The following SPATA7 variants were observed in gnomAD, a reference collection of about 807,000 sequenced individuals.
The protein encoded by SPATA7 is spermatogenesis associated 7.
In SPATA7, 43 loss-of-function variants were observed where a neutral mutation model predicts 51.8. That is an observed-to-expected ratio of 0.83 (90% CI 0.65 to 1.07). The LOEUF (loss-of-function observed/expected upper bound fraction) is 1.07. SPATA7 is among the 50% of genes least tolerant of loss of function. The probability of loss-of-function intolerance (pLI) is 0.00; values close to 1 mark genes in which losing one functional copy is unlikely to be tolerated. For missense variants in SPATA7, 683 were observed against 701.3 expected, an observed-to-expected ratio of 0.97 and a Z score of 0.30; for synonymous variants, 230 against 252.8, an observed-to-expected ratio of 0.91 and a Z score of 0.86.
At position 88,445,112 on chromosome 14, in the gene SPATA7, C is replaced by T. The variant is rs2077202673; in HGVS notation, c.177+7209C>T. Among the ~76,000 whole-genome samples the T allele has an allele frequency of 2.6e-5, 4 of 152,084 alleles. No homozygotes were observed. In the South Asian group the frequency reaches 8.3e-4, roughly 32 times the overall value. Reference sequence around the variant, plus strand: ...TTTCACAATATTGATTCTTCCTACCCATGAGCATGGAATGTTCTTCCACTT... The same window carrying T: ...TTTCACAATATTGATTCTTCCTACCTATGAGCATGGAATGTTCTTCCACTT... On this transcript the variant is annotated intron_variant, in intron 3 of 3. Coordinates refer to the SPATA7 transcript ENST00000554802.
chr14:88,448,447 G>A lies in SPATA7; in HGVS notation c.178-6613G>A, dbSNP rs374751913. Among the ~76,000 whole-genome samples, 9 of 152,066 alleles carry A rather than the reference G, an allele frequency of 5.9e-5. No individual in the cohort carries two copies. In the South Asian group the frequency reaches 8.3e-4, roughly 14 times the overall value. On this transcript the variant is annotated intron_variant, in intron 3 of 3. Coordinates refer to the SPATA7 transcript ENST00000554802. ...TGGTTTGAATGTCCTCCCGTAGCTCGGAGTAATTTGATCGTCTGAAGCCTT... is the reference window on the plus strand; with the variant it reads ...TGGTTTGAATGTCCTCCCGTAGCTCAGAGTAATTTGATCGTCTGAAGCCTT...
Position 88,385,700 on chromosome 14 carries a change from C to A in SPATA7, c.-119C>A. The stretch of plus-strand genomic sequence containing the variant: ...CAACGGCCTGGCAACGGTTTCCCTG[C>A]TGCTGCAGCCCCCGTCGGCTCCTCT... On this transcript the variant is annotated 5_prime_UTR_variant, in exon 1 of 12. The change creates a new upstream start codon in the 5' untranslated region. Transcript: ENST00000393545. 1 of 995,810 alleles carries A rather than the reference C, an allele frequency of 1.0e-6. No individual in the cohort carries two copies. 61.7% of individuals were successfully genotyped at this position (995,810 alleles called of 1,614,324 possible).
At chr14:88,385,930 CCCCTTGG>C (rs769358445) in intron 1 of SPATA7, 93 bp downstream of exon 1, 7 of 1,395,866 alleles carry the variant, frequency 5.0e-6, no homozygotes, top group Non-Finnish European at 6.5e-6. Flanking sequence ...TGCAAGGCCG[CCCCTTGG>C]GGCGCTTCCT....
chr14:88,390,255 A>G (rs951387206), intron 1 of SPATA7, among the ~76,000 whole-genome samples: 1 of 144,766 alleles, frequency 6.9e-6, no homozygotes, highest in African/African-American at 2.5e-5. Flanking sequence ...TAAAATGGGA[A>G]TTTTTTTTTT....
At chr14:88,467,220 T>C (rs1187229144) in intron 4 of SPATA7, 6 of 152,012 alleles carry the variant, frequency 3.9e-5, no homozygotes, top group Non-Finnish European at 5.9e-5. Context: ...TCAGCGCCCA[T>C]TGTTATTGTG....
intron 4 of SPATA7, chr14:88,468,282 G>A (rs768021248): frequency 2.7e-5 from 42 of 1,582,354 alleles, no homozygotes; most frequent in African/African-American, 1.4e-4. Flanking sequence ...TGAGAGAAAC[G>A]GTAATGAAGA....
At chr14:88,417,634 TACAA>T (rs1215998404) in intron 5 of SPATA7, among the ~76,000 whole-genome samples, 2 of 152,312 alleles carry the variant, frequency 1.3e-5, no homozygotes, top group East Asian at 3.9e-4. Flanking sequence ...TGTAATGAAT[TACAA>T]ACAATTGACT....
chr14:88,457,782 A>G (rs1361240977), downstream of SPATA7, among the ~76,000 whole-genome samples: 2 of 152,206 alleles, frequency 1.3e-5, no homozygotes, highest in African/African-American at 4.8e-5. Flanking sequence ...GAGTGGTGAG[A>G]GAGGGCATCT....
chr14:88,408,841 C>A (rs1365927348), intron 4 of SPATA7, among the ~76,000 whole-genome samples: 53 of 152,072 alleles, frequency 3.5e-4, no homozygotes, highest in Non-Finnish European at 4.4e-5. Flanking sequence ...TTGTCAAAGG[C>A]CTTTTCTGCA....
intron 3 of SPATA7, among the ~76,000 whole-genome samples, chr14:88,449,491 T>C (rs1330106812): frequency 6.6e-6 from 1 of 152,186 alleles, no homozygotes; most frequent in African/African-American, 2.4e-5. Flanking sequence ...TTTTGTGGCC[T>C]ATCATATATG....
chr14:88,393,669 T>C (rs550829466), intron 3 of SPATA7, 181 bp downstream of exon 3: 15 of 515,348 alleles, frequency 2.9e-5, no homozygotes, highest in African/African-American at 2.5e-4. Context: ...CCCATTTTTG[T>C]TAACTATATT....
chr14:88,391,321 G>T (rs926594984), intron 1 of SPATA7, 60 bp from the exon 2 acceptor site: 1 of 1,320,532 alleles, frequency 7.6e-7, no homozygotes, highest in Non-Finnish European at 1.1e-6. Flanking sequence ...GAATATTGTT[G>T]TTTTTGTAAA....
chr14:88,434,333 G>A (rs2077018651), intron 10 of SPATA7, among the ~76,000 whole-genome samples: 1 of 152,140 alleles, frequency 6.6e-6, no homozygotes, highest in African/African-American at 2.4e-5. Flanking sequence ...GATTAAAAAT[G>A]ATGTTGAAGT....
At chr14:88,468,768 A>G in intron 4 of SPATA7, 3 of 894,240 alleles carry the variant, frequency 3.4e-6, no homozygotes, top group Non-Finnish European at 5.2e-6. Flanking sequence ...CCAAGAAGAC[A>G]CAGCCTTTTG....
intron 5 of SPATA7, among the ~76,000 whole-genome samples, chr14:88,421,533 A>G (rs1341676136): frequency 1.3e-5 from 2 of 152,222 alleles, no homozygotes; most frequent in Non-Finnish European, 2.9e-5. Flanking sequence ...GACACTACAC[A>G]GACTACACTG....
chr14:88,452,709 A>T (rs1291463942), intron 3 of SPATA7, among the ~76,000 whole-genome samples: 2 of 152,154 alleles, frequency 1.3e-5, no homozygotes, highest in Admixed American at 6.5e-5. Flanking sequence ...TCTTCCCTCC[A>T]GTATACCCCC....
chr14:88,407,561 TG>T (rs929443825), intron 4 of SPATA7, among the ~76,000 whole-genome samples: 5 of 152,260 alleles, frequency 3.3e-5, no homozygotes, highest in Non-Finnish European at 7.3e-5. Flanking sequence ...GTGGGTTGTT[TG>T]TCCACTCTGA....
chr14:88,469,038 T>C lies in SPATA7; in HGVS notation c.255-809T>C. 1.9e-6 allele frequency: 3 copies of C among 1,614,112 alleles called. No individual in the cohort carries two copies. Among genetic ancestry groups the C allele is most frequent in the Non-Finnish European group, 2.5e-6 (3 of 1,179,974 alleles). On this transcript the variant is annotated intron_variant, in intron 4 of 4. Transcript: ENST00000556406. This position sits in a 1 kb window ranked among gnomAD's most constrained non-coding sequence, Gnocchi z 4.3. ...GGGCTTTGGGGATCACTTGTGCTAT[T>C]TGTATGGCGTCGAACAGACTGGATC... is the stretch of plus-strand genomic sequence containing the variant.
At chr14:88,403,688 C>A (rs1468751880) in intron 4 of SPATA7, among the ~76,000 whole-genome samples, 1 of 152,122 alleles carries the variant, frequency 6.6e-6, no homozygotes, top group Non-Finnish European at 1.5e-5. Context: ...TATGTGCAAT[C>A]TAAAGTGGGC....
Sources: gnomAD v4.1 joint callset for allele counts (sites outside exome capture counted in the v4.1 genomes callset) on GRCh38, gnomAD v4.1.1 for gene constraint, Gnocchi (gnomAD v3.1) non-coding constraint, MANE v1.5 for transcripts, NCBI Gene and HGNC (gene_info 2026-07-23, HGNC 2026-07-21) for gene names.